Variants in ANKRD30B observed in about 807,000 individuals in gnomAD.
ANKRD30B encodes ankyrin repeat domain-containing protein 30B.
Under a neutral mutation model 202.2 loss-of-function variants are expected in ANKRD30B, and 144 were observed. The observed-to-expected ratio is 0.71, with a 90% CI of 0.62 to 0.82. ANKRD30B has a LOEUF of 0.82. Ranked by LOEUF, ANKRD30B falls within the 40% of genes least tolerant of loss-of-function variation. The pLI is 0.00. For synonymous variants in ANKRD30B, 508 were observed against 561.3 expected, an observed-to-expected ratio of 0.91 and a Z score of 1.34; for missense variants, 1,487 against 1,669.1, an observed-to-expected ratio of 0.89 and a Z score of 1.90.
At chr18:14,904,244 A>C in the ANKRD30B span, among the ~76,000 whole-genome samples, 1 of 152,216 alleles carries the variant, frequency 6.6e-6, no homozygotes, top group Non-Finnish European at 1.5e-5. Context: ...CAGAGCTATA[A>C]AAGGCAGAGG....
At chr18:14,910,267 A>G in the ANKRD30B span, among the ~76,000 whole-genome samples, 1 of 151,880 alleles carries the variant, frequency 6.6e-6, no homozygotes, top group South Asian at 2.1e-4. Flanking sequence ...TCCGAAGTCT[A>G]TTATTCCATC....
the ANKRD30B span, among the ~76,000 whole-genome samples, chr18:14,928,298 T>C: frequency 3.3e-5 from 5 of 152,184 alleles, no homozygotes; most frequent in Admixed American, 1.3e-4. Context: ...GTCAGCCTCA[T>C]TGGGCCATAG....
At chr18:14,807,511 A>G (rs9303866) in intron 24 of ANKRD30B, among the ~76,000 whole-genome samples, 142,488 of 146,318 alleles carry the variant, frequency 0.97, 69,672 homozygotes, top group Middle Eastern at 1. Context: ...TTGACATCTA[A>G]TTTTTGATAC....
At chr18:14,913,963 T>C in the ANKRD30B span, among the ~76,000 whole-genome samples, 233 of 152,346 alleles carry the variant, frequency 1.5e-3, 1 homozygote, top group African/African-American at 5.0e-3. Context: ...ATTTTGTTCC[T>C]GTTTTATAGG....
At chr18:14,896,483 A>G in the ANKRD30B span, among the ~76,000 whole-genome samples, 1 of 151,122 alleles carries the variant, frequency 6.6e-6, no homozygotes, top group South Asian at 2.1e-4. Context: ...TACAAATTCT[A>G]CTAATTTTTA....
the ANKRD30B span, among the ~76,000 whole-genome samples, chr18:14,904,398 G>A: frequency 6.6e-6 from 1 of 152,166 alleles, no homozygotes; most frequent in Non-Finnish European, 1.5e-5. Flanking sequence ...TGGGGCCTGA[G>A]CTAACCTCAG....
chr18:14,764,549 A>G (rs1915792421), intron 7 of ANKRD30B, among the ~76,000 whole-genome samples: 1 of 143,164 alleles, frequency 7.0e-6, no homozygotes, highest in African/African-American at 2.5e-5. Flanking sequence ...ACCCACCACC[A>G]CACCTGGCTG....
intron 32 of ANKRD30B, among the ~76,000 whole-genome samples, chr18:14,827,467 A>T (rs1180185810): frequency 3.9e-5 from 6 of 152,162 alleles, no homozygotes; most frequent in Non-Finnish European, 5.9e-5. Context: ...GTGGGATCTG[A>T]GACTATTTCT....
At chr18:14,880,575 T>TTG in the ANKRD30B span, among the ~76,000 whole-genome samples, 1 of 150,070 alleles carries the variant, frequency 6.7e-6, no homozygotes, top group Admixed American at 6.6e-5. Flanking sequence ...GGTTTTTTTT[T>TTG]TTTTTTTCAG....
Position 14,837,330 on chromosome 18 carries a change from G to A in ANKRD30B, c.2926+41G>A, listed in dbSNP as rs1238976972. The A allele has an allele frequency of 3.4e-6, 5 of 1,460,420 alleles. No homozygotes were observed. In the African/African-American group the frequency reaches 4.3e-5, roughly 12 times the overall value. The allele number at this position is 1,460,420 out of a possible 1,614,324, so 90.5% of individuals were successfully genotyped here. On this transcript the variant is annotated intron_variant, in intron 35 of 43. Coordinates refer to ENST00000690538, the MANE Select transcript of ANKRD30B (RefSeq NM_001367607.2). ...TTTTTTATACCAAAATAATAGAAAT[G>A]GTAAATTAGTGAATATCTCTGAAAA...
intron 1 of ANKRD30B, 76 bp downstream of exon 1, chr18:14,748,716 C>G (rs1310720379): frequency 1.5e-6 from 2 of 1,350,108 alleles, no homozygotes; most frequent in African/African-American, 1.5e-5. Context: ...AGAGTGGTGG[C>G]TGGGGGTCCT....
chr18:14,795,981 A>AT (rs1259310919), intron 16 of ANKRD30B, among the ~76,000 whole-genome samples: 16 of 151,926 alleles, frequency 1.1e-4, no homozygotes, highest in African/African-American at 3.9e-4. Context: ...GTTGAAATAT[A>AT]TTTTGATTGT....
At chr18:14,800,761 T>G (rs1317089740) in intron 22 of ANKRD30B, among the ~76,000 whole-genome samples, 2 of 90,666 alleles carry the variant, frequency 2.2e-5, no homozygotes, top group Middle Eastern at 4.5e-3. Context: ...AAAATTTTTT[T>G]CAACTTCTAA....
rs867355126 is a variant in ANKRD30B at position 14,852,383 on chromosome 18, G to T, written c.4439G>T (p.Arg1480Leu). The change falls in exon 42 of 44, where the codon CGT becomes CTT. Residue 1480 changes from arginine to leucine, a missense_variant. By Grantham distance (102) the Arg-to-Leu change is moderately radical. Coordinates refer to ENST00000690538, the MANE Select transcript of ANKRD30B (RefSeq NM_001367607.2). ...AATTATGGTAACCATTTAAAAGAAC[G>T]TATAGATCAATATGAAAAAGAGAAA... ...VFNYGNHLKERIDQYEKEKAE... is the reference protein window; with the variant it reads ...VFNYGNHLKELIDQYEKEKAE... 3 of 1,531,122 alleles carry T rather than the reference G, an allele frequency of 2.0e-6. No individual in the cohort carries two copies. Among genetic ancestry groups the T allele is most frequent in the Admixed American group, 2.3e-5 (1 of 43,862 alleles). The allele number at this position is 1,531,122 out of a possible 1,614,324, so 94.8% of individuals were successfully genotyped here. A position where few individuals can be genotyped will look rare whatever the true frequency, so the allele number is the denominator to read the frequency against.
At chr18:14,877,634 G>T in the ANKRD30B span, 28 of 151,950 alleles carry the variant, frequency 1.8e-4, no homozygotes, top group South Asian at 1.5e-3. Flanking sequence ...CCACTGAACA[G>T]ATGAGAAAAC....
the ANKRD30B span, among the ~76,000 whole-genome samples, chr18:14,917,693 A>G: frequency 6.6e-6 from 1 of 152,226 alleles, no homozygotes; most frequent in African/African-American, 2.4e-5. Context: ...ATGTGGGGCC[A>G]TGTAACTAAT....
Position 14,752,972 on chromosome 18 carries a change from C to T in ANKRD30B, c.470C>T (p.Thr157Ile), listed in dbSNP as rs780368020. The T allele has an allele frequency of 6.2e-7, 1 of 1,603,206 alleles. No individual in the cohort carries two copies. Among genetic ancestry groups the T allele is most frequent in the Non-Finnish European group, 8.5e-7 (1 of 1,174,274 alleles). ...VYSENLLMVA[T>I]LLSYGAVIEV... ...AGTGAGAATTTGTTAATGGTGGCAA[C>T]ACTGCTGTCCTATGGTGCAGTCATC... Residue 157 changes from threonine to isoleucine, a missense_variant, in exon 3 of 44, where the codon ACA (threonine) becomes ATA (isoleucine). By Grantham distance (89) the Thr-to-Ile change is moderately conservative. This residue lies in a region of ANKRD30B where 889 missense variants were observed against 841.4 expected (regional missense o/e 1.06). Transcript: ENST00000690538.
At chr18:14,939,488 G>T in the ANKRD30B span, among the ~76,000 whole-genome samples, 1 of 152,278 alleles carries the variant, frequency 6.6e-6, no homozygotes, top group East Asian at 1.9e-4. Flanking sequence ...GGCCTGCCTG[G>T]CTCTAGGCAC....
the ANKRD30B span, chr18:14,883,393 C>CTA: frequency 1.2e-5 from 1 of 86,530 alleles, no homozygotes; most frequent in African/African-American, 5.8e-5. Flanking sequence ...CTCTCTCTCT[C>CTA]TCTCTCTATA....
Sources: allele counts gnomAD v4.1 joint callset (sites outside exome capture counted in the v4.1 genomes callset), GRCh38; gene constraint gnomAD v4.1.1; regional missense constraint gnomAD v4.1.1; transcripts MANE v1.5; gene names NCBI Gene and HGNC (gene_info 2026-07-23, HGNC 2026-07-21).